Variants in PLEKHG7 observed in about 807,000 individuals in gnomAD.
PLEKHG7 encodes pleckstrin homology and RhoGEF domain containing G7.
In PLEKHG7, 77 loss-of-function variants were observed where a neutral mutation model predicts 85.2. The ratio of observed to expected loss-of-function variants is 0.90; its 90% CI spans 0.75 to 1.09. PLEKHG7 has a LOEUF of 1.09. Ranked by LOEUF, PLEKHG7 falls within the 50% of genes least tolerant of loss-of-function variation. The probability of loss-of-function intolerance (pLI) is 0.00; values close to 1 mark genes in which losing one functional copy is unlikely to be tolerated. For synonymous variants in PLEKHG7, 301 were observed against 302.4 expected (o/e 1.00, Z 0.05); for missense variants, 777 against 804.3 (o/e 0.97, Z 0.41).
In PLEKHG7 at chr12:92,707,013, C is replaced by A; in HGVS notation, c.382C>A (p.Pro128Thr). 1 of 1,614,168 alleles carries A rather than the reference C, an allele frequency of 6.2e-7. No individual in the cohort carries two copies. Among genetic ancestry groups the A allele is most frequent in the Non-Finnish European group, 8.5e-7 (1 of 1,180,044 alleles). ...AADSLEPQTR[P>T]TDKYLPPELQ... is the part of the protein sequence containing the mutation. ...TGACTCACTGGAGCCCCAAACCCGG[C>A]CCACTGACAAGTATCTCCCTCCTGA... Residue 128 changes from proline (P) to threonine (T), a missense_variant, in exon 2 of 17, where the codon CCC (proline) becomes ACC (threonine). By Grantham distance (38) the Pro-to-Thr change is conservative. Transcript: ENST00000344636.
Position 92,706,602 on chromosome 12 carries a change from C to T in PLEKHG7, c.-30C>T. The T allele has an allele frequency of 6.4e-7, 1 of 1,559,738 alleles. No homozygotes were observed. Among genetic ancestry groups the T allele is most frequent in the Non-Finnish European group, 8.7e-7 (1 of 1,154,986 alleles). ...CAGCAACTCATACGTCTTCTGGAAC[C>T]TTCTACCAACAGTAGAACCTCTTAG... On this transcript the variant is annotated 5_prime_UTR_variant, in exon 2 of 17. Transcript: ENST00000344636.
intron 3 of PLEKHG7, among the ~76,000 whole-genome samples, chr12:92,723,991 C>A (rs1466029453): frequency 1.3e-5 from 2 of 152,134 alleles, no homozygotes; most frequent in East Asian, 3.8e-4. Context: ...CATTACATTT[C>A]TCATTCAAAT....
chr12:92,719,308 A>G (rs1565787606), intron 3 of PLEKHG7, among the ~76,000 whole-genome samples: 1 of 152,226 alleles, frequency 6.6e-6, no homozygotes, highest in Non-Finnish European at 1.5e-5. Context: ...TGTGTAATCA[A>G]CCCATAGTTA....
rs924828066 is a variant in PLEKHG7, at chr12:92,764,188, G to A, written c.1864G>A (p.Val622Met). ...LVVKSIEPLHVSVFGLRNAFL... is the reference protein window; with the variant it reads ...LVVKSIEPLHMSVFGLRNAFL... ...AGTCAAAAGTATTGAACCACTCCAT[G>A]TGTCAGGTATGTGTCTATTTTCATT... The change falls in exon 15 of 17, where the codon GTG (valine) becomes ATG (methionine). Residue 622 changes from valine (V) to methionine (M), a missense_variant. Physicochemically the swap from Val to Met is conservative, Grantham distance 21. Around this residue, in one of 3 missense-constraint regions of PLEKHG7, gnomAD observed 520 missense variants for 544.0 expected, o/e 0.96. Transcript: ENST00000344636. 6.2e-7 allele frequency: 1 copy of A among 1,604,482 alleles called. No individual in the cohort carries two copies. The highest frequency in any genetic ancestry group is 8.5e-7 in the Non-Finnish European group (1 of 1,175,058).
intron 10 of PLEKHG7, chr12:92,749,493 G>T (rs2136615153): frequency 6.6e-6 from 1 of 152,184 alleles, no homozygotes; most frequent in African/African-American, 2.4e-5. Context: ...GTCTCGCTAG[G>T]TTGCCCAGCT....
intron 1 of PLEKHG7, among the ~76,000 whole-genome samples, 178 bp from the exon 2 acceptor site, chr12:92,706,293 A>C (rs1028920671): frequency 6.6e-6 from 1 of 152,202 alleles, no homozygotes; most frequent in Non-Finnish European, 1.5e-5. Context: ...CGCTATTTAG[A>C]TGAGAAGGCT....
intron 15 of PLEKHG7, among the ~76,000 whole-genome samples, chr12:92,766,788 C>T (rs1050076987): frequency 6.6e-5 from 10 of 152,184 alleles, no homozygotes; most frequent in Admixed American, 2.0e-4. Flanking sequence ...CAAGGTCGCA[C>T]GACTGCACTC....
At chr12:92,761,665 A>AGAAAGAAAGAAT (rs1873029761) in intron 13 of PLEKHG7, 87 bp from the exon 14 acceptor site, 1 of 1,362,296 alleles carries the variant, frequency 7.3e-7, no homozygotes, top group Non-Finnish European at 9.5e-7. Flanking sequence ...AAAGAAAGAA[A>AGAAAGAAAGAAT]GAAAGAAAGA....
At chr12:92,755,332 T>C (rs1010823999) in intron 11 of PLEKHG7, among the ~76,000 whole-genome samples, 1 of 152,202 alleles carries the variant, frequency 6.6e-6, no homozygotes, top group Non-Finnish European at 1.5e-5. Flanking sequence ...AAACCCTCAA[T>C]AGCAACATGT....
intron 13 of PLEKHG7, among the ~76,000 whole-genome samples, chr12:92,759,703 C>A (rs77234501): frequency 5.3e-4 from 81 of 152,280 alleles, no homozygotes; most frequent in African/African-American, 1.9e-3. Context: ...GGAACTGAAT[C>A]GACCAGCACC....
At chr12:92,742,187 T>C (rs1015731056) in intron 9 of PLEKHG7, among the ~76,000 whole-genome samples, 2 of 152,356 alleles carry the variant, frequency 1.3e-5, no homozygotes, top group East Asian at 1.9e-4. Flanking sequence ...AAAAGATAGA[T>C]TGAGATTTAC....
At chr12:92,725,705 G>A (rs528991105) in intron 3 of PLEKHG7, among the ~76,000 whole-genome samples, 35 of 152,010 alleles carry the variant, frequency 2.3e-4, no homozygotes, top group Admixed American at 4.6e-4. Context: ...AAAAATTATG[G>A]GATATAAGTT....
At position 92,761,656 on chromosome 12, in the gene PLEKHG7, AAG is replaced by A. The variant is rs1449678371; in HGVS notation, c.1637-94_1637-93del. The stretch of plus-strand genomic sequence containing the variant: ...AAAGAAAGAAAGAAAGAAAGAAAGA[AAG>A]AAAGAAAGAAAGAAAGAAAGAAAGA... On this transcript the variant is annotated intron_variant, in intron 13 of 16. Transcript: ENST00000344636. 5 of 1,284,844 alleles carry A rather than the reference AAG, an allele frequency of 3.9e-6. No individual in the cohort carries two copies. In the African/African-American group the frequency reaches 5.0e-5, roughly 13 times the overall value. 79.6% of individuals were successfully genotyped at this position (1,284,844 alleles called of 1,614,324 possible).
chr12:92,723,950 A>G (rs1871720566), intron 3 of PLEKHG7, among the ~76,000 whole-genome samples: 1 of 152,176 alleles, frequency 6.6e-6, no homozygotes, highest in Admixed American at 6.5e-5. Flanking sequence ...CAAGCTCACA[A>G]TAGTCCATTT....
At chr12:92,769,112 C>T (rs556937129) in intron 16 of PLEKHG7, 32 bp downstream of exon 16, 1 of 1,452,630 alleles carries the variant, frequency 6.9e-7, no homozygotes, top group South Asian at 1.2e-5. Context: ...GTCTTTGATT[C>T]TTCAGAGTTT....
intron 3 of PLEKHG7, chr12:92,721,576 G>GGGGGGGC: frequency 2.3e-5 from 11 of 477,012 alleles, no homozygotes; most frequent in Non-Finnish European, 3.1e-5. Context: ...TGGGGGTGGG[G>GGGGGGGC]AAAGCCAGTG....
chr12:92,715,018 G>GGATAGATAGACAGATAGATAGATA (rs1051401355), intron 3 of PLEKHG7, among the ~76,000 whole-genome samples: 1 of 147,426 alleles, frequency 6.8e-6, no homozygotes, highest in African/African-American at 2.5e-5. Flanking sequence ...AGAACTAATG[G>GGATAGATAGACAGATAGATAGATA]GATAGATAGA....
chr12:92,723,165 G>T (rs1871693570), intron 3 of PLEKHG7, among the ~76,000 whole-genome samples: 1 of 152,222 alleles, frequency 6.6e-6, no homozygotes, highest in Non-Finnish European at 1.5e-5. Flanking sequence ...AGCTATTCTT[G>T]GAGTACACAT....
At chr12:92,720,775 G>A (rs142520030) in intron 3 of PLEKHG7, among the ~76,000 whole-genome samples, 7 of 152,288 alleles carry the variant, frequency 4.6e-5, no homozygotes, top group Non-Finnish European at 1.0e-4. Flanking sequence ...CCAGGGGTTA[G>A]GATGTGGACA....
Sources: allele counts gnomAD v4.1 joint callset (sites outside exome capture counted in the v4.1 genomes callset), GRCh38; gene constraint gnomAD v4.1.1; regional missense constraint gnomAD v4.1.1; transcripts MANE v1.5; gene names NCBI Gene and HGNC (gene_info 2026-07-23, HGNC 2026-07-21).